AKAP6: variants seen among roughly 807,000 people sequenced by gnomAD.
AKAP6 encodes the protein A-kinase anchoring protein 6, also known as A-kinase anchor protein 6.
In AKAP6, 58 loss-of-function variants were observed where a neutral mutation model predicts 188.5. That is an observed-to-expected ratio of 0.31 (90% CI 0.25 to 0.38). AKAP6 has a LOEUF of 0.38. Ranked by LOEUF, AKAP6 falls within the 10% of genes least tolerant of loss-of-function variation. AKAP6 has a pLI of 1.00. For missense variants in AKAP6, 2,710 were observed against 2,740.0 expected (o/e 0.99, Z 0.24); for synonymous variants, 989 against 998.6 (o/e 0.99, Z 0.18).
rs2138943161 is a variant in AKAP6, at chr14:32,490,689, T to C, written c.325-44865T>C. ...AAGTTCAGTTTAGCTTCTTAAGCTC[T>C]AGATTCGGCTTATACATCTGCAAAG... On this transcript the variant is annotated intron_variant, in intron 2 of 13. Coordinates refer to ENST00000280979, the MANE Select transcript of AKAP6 (RefSeq NM_004274.5). Among the ~76,000 whole-genome samples the C allele has an allele frequency of 2.0e-5, 3 of 152,326 alleles. 1 individual carries two copies. The South Asian group carries it at 6.2e-4, about 32-fold the overall frequency.
chr14:32,728,366 C>G (rs79291737), intron 9 of AKAP6, among the ~76,000 whole-genome samples: 2 of 137,780 alleles, frequency 1.5e-5, no homozygotes, highest in African/African-American at 5.7e-5. Context: ...ATCTATCTAT[C>G]TATCTATCTA....
intron 1 of AKAP6, among the ~76,000 whole-genome samples, chr14:32,342,646 A>G (rs1288876458): frequency 1.3e-5 from 2 of 152,194 alleles, no homozygotes; most frequent in Non-Finnish European, 2.9e-5. Context: ...CATGTCTAGG[A>G]CAGCCTCAAG....
intron 12 of AKAP6, among the ~76,000 whole-genome samples, chr14:32,775,432 CCTTT>C (rs774636036): frequency 2.7e-5 from 4 of 146,408 alleles, no homozygotes; most frequent in Non-Finnish European, 4.5e-5. Context: ...ACATTTTTAT[CCTTT>C]TTTTTTTTTT....
chr14:32,376,726 T>A (rs1267047630), intron 1 of AKAP6, among the ~76,000 whole-genome samples: 1 of 152,188 alleles, frequency 6.6e-6, no homozygotes. Context: ...TGACAGAGTA[T>A]CACTCTGTTG....
chr14:32,662,503 C>T (rs1007254824), intron 7 of AKAP6, among the ~76,000 whole-genome samples: 4 of 152,070 alleles, frequency 2.6e-5, no homozygotes, highest in Admixed American at 6.6e-5. Context: ...CTGATTGTCT[C>T]CTCGTGGTGT....
intron 7 of AKAP6, among the ~76,000 whole-genome samples, chr14:32,664,684 A>T (rs995980921): frequency 6.6e-6 from 1 of 151,760 alleles, no homozygotes; most frequent in Admixed American, 6.6e-5. Flanking sequence ...GTGTTCCTTT[A>T]TTGGGTCTTC....
At chr14:32,486,263 T>C (rs1349808086) in intron 2 of AKAP6, among the ~76,000 whole-genome samples, 1 of 69,122 alleles carries the variant, frequency 1.4e-5, no homozygotes, top group African/African-American at 6.8e-5. Context: ...GCCTCCAGCT[T>C]TGTTCTTTTT....
In AKAP6 at chr14:32,735,758, T is replaced by C; in HGVS notation, c.3248T>C (p.Leu1083Pro). 6.2e-7 allele frequency: 1 copy of C among 1,613,582 alleles called. No individual in the cohort carries two copies. Among genetic ancestry groups the C allele is most frequent in the Non-Finnish European group, 8.5e-7 (1 of 1,179,766 alleles). The change falls in exon 11 of 14, where the codon CTG (leucine) becomes CCG (proline). Residue 1083 changes from leucine to proline, a missense_variant. Physicochemically the swap from Leu to Pro is moderately conservative, Grantham distance 98 (BLOSUM62 -3). Around this residue, in one of 2 missense-constraint regions of AKAP6, gnomAD observed 2,473 missense variants for 2,426.1 expected, o/e 1.02. Coordinates refer to ENST00000280979, the MANE Select transcript of AKAP6 (RefSeq NM_004274.5). ...GAAAGTGGAAGCCTGGTAAGGCAGCTGGAGGTCAGGATCAAAGAACTGAAA... is the reference window on the plus strand; with the variant it reads ...GAAAGTGGAAGCCTGGTAAGGCAGCCGGAGGTCAGGATCAAAGAACTGAAA... The part of the protein sequence containing the change: ...SPESGSLVRQ[L>P]EVRIKELKGW...
chr14:32,512,797 A>G (rs1235834984), intron 2 of AKAP6, among the ~76,000 whole-genome samples: 1 of 152,220 alleles, frequency 6.6e-6, no homozygotes, highest in African/African-American at 2.4e-5. Flanking sequence ...ACTCAGACAT[A>G]AGCTGGATTC....
At chr14:32,690,239 C>G (rs1049732757) in intron 8 of AKAP6, among the ~76,000 whole-genome samples, 1 of 151,622 alleles carries the variant, frequency 6.6e-6, no homozygotes, top group African/African-American at 2.4e-5. Context: ...CATCAAAATT[C>G]CTTAGTGAGC....
intron 8 of AKAP6, among the ~76,000 whole-genome samples, chr14:32,680,770 A>G (rs567125906): frequency 1.3e-5 from 2 of 152,364 alleles, no homozygotes; most frequent in African/African-American, 2.4e-5. Context: ...AAATGAATAT[A>G]TAACCTCTTT....
chr14:32,816,341 T>A (rs1490899541), intron 12 of AKAP6, among the ~76,000 whole-genome samples: 2 of 152,086 alleles, frequency 1.3e-5, no homozygotes, highest in African/African-American at 2.4e-5. Flanking sequence ...AACAGGCACA[T>A]GCCACCATGC....
At chr14:32,395,420 G>T (rs141009944) in intron 1 of AKAP6, among the ~76,000 whole-genome samples, 3 of 152,098 alleles carry the variant, frequency 2.0e-5, no homozygotes, top group Non-Finnish European at 4.4e-5. Context: ...TCACATTGCC[G>T]TCTCACTGGG....
chr14:32,565,939 A>G (rs73273466), intron 4 of AKAP6, among the ~76,000 whole-genome samples: 5,690 of 152,122 alleles, frequency 0.037, 352 homozygotes, highest in African/African-American at 0.13. Flanking sequence ...ATTTCCTGTG[A>G]TTTCCTCCAG....
intron 7 of AKAP6, among the ~76,000 whole-genome samples, chr14:32,667,287 C>G (rs1430011423): frequency 6.6e-6 from 1 of 151,968 alleles, no homozygotes. Context: ...GAAAGTTTAC[C>G]TTTTCCAAGG....
At chr14:32,574,621 A>C (rs1159495118) in intron 4 of AKAP6, among the ~76,000 whole-genome samples, 1 of 152,166 alleles carries the variant, frequency 6.6e-6, no homozygotes, top group Non-Finnish European at 1.5e-5. Flanking sequence ...GTCTTTCACT[A>C]TTTATCTTCT....
intron 1 of AKAP6, among the ~76,000 whole-genome samples, chr14:32,382,133 T>C (rs1888383714): frequency 1.3e-5 from 2 of 152,152 alleles, no homozygotes; most frequent in Admixed American, 6.5e-5. Flanking sequence ...TGGTTTCCCT[T>C]TCTGTCTTTT....
intron 7 of AKAP6, among the ~76,000 whole-genome samples, chr14:32,677,987 A>G (rs1889505146): frequency 6.6e-6 from 1 of 152,232 alleles, no homozygotes; most frequent in African/African-American, 2.4e-5. Flanking sequence ...CATATGTGAC[A>G]ACATAAGGAA....
rs201312537 is a variant in AKAP6 at position 32,802,711 on chromosome 14, CA to C, written c.3589-18683del. ...ATTCATCATGCTTTATTTACAAAACCAAAAAAAATTGGAAATATGAATTTCT... is the reference window on the plus strand; with the variant it reads ...ATTCATCATGCTTTATTTACAAAACCAAAAAAATTGGAAATATGAATTTCT... On this transcript the variant is annotated intron_variant, in intron 12 of 13. Transcript: ENST00000280979. Among the ~76,000 whole-genome samples the C allele has an allele frequency of 5.4e-4, 82 of 151,646 alleles. No individual in the cohort carries two copies. In the East Asian group the frequency reaches 9.3e-3, roughly 17 times the overall value.
Sources: allele counts gnomAD v4.1 joint callset (sites outside exome capture counted in the v4.1 genomes callset), GRCh38; gene constraint gnomAD v4.1.1; regional missense constraint gnomAD v4.1.1; transcripts MANE v1.5; gene names NCBI Gene and HGNC (gene_info 2026-07-23, HGNC 2026-07-21).